The following LEPR variants were observed in gnomAD, a reference collection of about 807,000 sequenced individuals.
LEPR encodes the protein OB receptor.
In LEPR, 56 loss-of-function variants were observed where a neutral mutation model predicts 114.7. The observed-to-expected ratio is 0.49, with a 90% confidence interval of 0.39 to 0.61. The LOEUF (loss-of-function observed/expected upper bound fraction) is 0.61. Ranked by LOEUF, LEPR falls within the 20% of genes least tolerant of loss-of-function variation. The pLI is 0.00. For missense variants in LEPR, 1,202 were observed against 1,352.9 expected (o/e 0.89, Z 1.75); for synonymous variants, 443 against 461.4 (o/e 0.96, Z 0.51).
intron 2 of LEPR, chr1:65,432,852 A>T: frequency 1.5e-6 from 1 of 666,504 alleles, no homozygotes; most frequent in Non-Finnish European, 1.9e-6. Context: ...ATCATATGTT[A>T]ATTAGTGTAA....
At chr1:65,520,560 T>C (rs1649581833) in intron 2 of LEPR, among the ~76,000 whole-genome samples, 1 of 152,114 alleles carries the variant, frequency 6.6e-6, no homozygotes, top group African/African-American at 2.4e-5. Flanking sequence ...TTAACATCAT[T>C]ATTGAAGAGT....
At chr1:65,567,919 C>G (rs149931193) in intron 3 of LEPR, among the ~76,000 whole-genome samples, 184 of 151,058 alleles carry the variant, frequency 1.2e-3, no homozygotes, top group Non-Finnish European at 2.2e-3. Context: ...ATCATTGTCA[C>G]TCAAAGTCCA....
intron 2 of LEPR, among the ~76,000 whole-genome samples, chr1:65,545,821 A>T (rs1651661901): frequency 6.6e-6 from 1 of 151,590 alleles, no homozygotes; most frequent in Non-Finnish European, 1.5e-5. Flanking sequence ...ATGAGATCTC[A>T]TTTGTCAATT....
intron 2 of LEPR, among the ~76,000 whole-genome samples, chr1:65,440,918 AGAG>A (rs1646641298): frequency 6.6e-6 from 1 of 152,248 alleles, no homozygotes. Context: ...TGTCTTTGAA[AGAG>A]GAGAACAACA....
chr1:65,506,982 T>G (rs575943651), intron 2 of LEPR, among the ~76,000 whole-genome samples: 290 of 152,270 alleles, frequency 1.9e-3, no homozygotes, highest in African/African-American at 6.5e-3. Context: ...ACCTTTTTAC[T>G]CTCTGTTTCT....
chr1:65,500,995 G>A (rs1236854524), intron 2 of LEPR, among the ~76,000 whole-genome samples: 1 of 152,086 alleles, frequency 6.6e-6, no homozygotes, highest in Non-Finnish European at 1.5e-5. Flanking sequence ...TTCGTATAAT[G>A]CTCAAATCAG....
chr1:65,505,196 T>C (rs1648660368), intron 2 of LEPR, among the ~76,000 whole-genome samples: 1 of 152,190 alleles, frequency 6.6e-6, no homozygotes, highest in Non-Finnish European at 1.5e-5. Context: ...AAAAATAAAG[T>C]ACTGGAACAT....
At chr1:65,544,439 C>T (rs1651489791) in intron 2 of LEPR, among the ~76,000 whole-genome samples, 1 of 152,006 alleles carries the variant, frequency 6.6e-6, no homozygotes, top group Admixed American at 6.6e-5. Flanking sequence ...TAATTTCTTT[C>T]TCTTGCCTGA....
intron 2 of LEPR, 30 bp downstream of exon 2, chr1:65,425,408 C>T: frequency 6.4e-7 from 1 of 1,560,056 alleles, no homozygotes; most frequent in Non-Finnish European, 8.7e-7. Flanking sequence ...AGAACTATTC[C>T]TCTTTCTGTG....
At chr1:65,497,088 T>C (rs549869832) in intron 2 of LEPR, among the ~76,000 whole-genome samples, 5 of 152,206 alleles carry the variant, frequency 3.3e-5, no homozygotes, top group Admixed American at 1.3e-4. Flanking sequence ...TTTATCTGTG[T>C]ATTCACAAAA....
chr1:65,433,084 G>A (rs1460618835), intron 2 of LEPR: 6 of 985,256 alleles, frequency 6.1e-6, no homozygotes, highest in African/African-American at 5.2e-5. Flanking sequence ...CAGCCCCTGC[G>A]TTAGCAGGAG....
chr1:65,431,395 T>G (rs1345315011), intron 2 of LEPR, among the ~76,000 whole-genome samples: 1 of 152,234 alleles, frequency 6.6e-6, no homozygotes, highest in Non-Finnish European at 1.5e-5. Flanking sequence ...TTATTTAAAG[T>G]CTTTTCTTGC....
In LEPR at chr1:65,558,281, T is replaced by A. The variant is rs76695989; in HGVS notation, c.-20-7265T>A. Among the ~76,000 whole-genome samples, 1,177 of 152,304 alleles carry A rather than the reference T, an allele frequency of 7.7e-3. 8 individuals carry two copies. Among genetic ancestry groups the A allele is most frequent in the Non-Finnish European group, 0.012 (847 of 68,016 alleles). ...TTCTAGAAATCCTAAAGAACCATTG[T>A]GATATCAGTGTATAAAGAACAAAAA... is the stretch of plus-strand genomic sequence containing the variant. On this transcript the variant is annotated intron_variant, in intron 2 of 19. Transcript: ENST00000349533.
chr1:65,598,923 A>G (rs1656260058), intron 8 of LEPR, 119 bp downstream of exon 8: 4 of 1,465,338 alleles, frequency 2.7e-6, no homozygotes, highest in Non-Finnish European at 3.7e-6. Flanking sequence ...CACAGTATCA[A>G]CTTCCTTGTT....
intron 2 of LEPR, among the ~76,000 whole-genome samples, chr1:65,515,648 G>A (rs1270661896): frequency 6.6e-6 from 1 of 152,120 alleles, no homozygotes; most frequent in African/African-American, 2.4e-5. Flanking sequence ...ACAATAGAGT[G>A]TTCGTTTGTT....
intron 2 of LEPR, among the ~76,000 whole-genome samples, chr1:65,484,283 T>C (rs962459073): frequency 7.2e-5 from 11 of 152,160 alleles, no homozygotes; most frequent in Admixed American, 2.0e-4. Context: ...TGAAATTCCT[T>C]ATAAGCTCTT....
intron 7 of LEPR, among the ~76,000 whole-genome samples, chr1:65,597,120 A>G (rs553423225): frequency 6.6e-6 from 1 of 152,072 alleles, no homozygotes; most frequent in Admixed American, 6.6e-5. Context: ...TTCAGCAAGA[A>G]TTCTGTTAGG....
chr1:65,421,799 A>G (rs1049888357), intron 1 of LEPR, among the ~76,000 whole-genome samples: 2 of 152,212 alleles, frequency 1.3e-5, no homozygotes, highest in African/African-American at 4.8e-5. Flanking sequence ...AGTACTACAC[A>G]TGATCAGAAA....
At chr1:65,465,800 G>C (rs1380995763) in intron 2 of LEPR, among the ~76,000 whole-genome samples, 2 of 152,086 alleles carry the variant, frequency 1.3e-5, no homozygotes, top group Non-Finnish European at 2.9e-5. Context: ...TGCCTCTTTT[G>C]TTCTTTGTTG....
Sources: gnomAD v4.1 joint callset for allele counts (sites outside exome capture counted in the v4.1 genomes callset) on GRCh38, gnomAD v4.1.1 for gene constraint, MANE v1.5 for transcripts, NCBI Gene and HGNC (gene_info 2026-07-23, HGNC 2026-07-21) for gene names.